TMEM132C: variants seen among roughly 807,000 people sequenced by gnomAD.
TMEM132C encodes the protein transmembrane protein 132C.
In TMEM132C, 29 loss-of-function variants were observed where a neutral mutation model predicts 61.4. The observed-to-expected ratio is 0.47, with a 90% CI of 0.35 to 0.64. TMEM132C has a LOEUF of 0.64. Among genes scored for constraint, TMEM132C ranks in the 30% least tolerant of loss-of-function variants. The probability of loss-of-function intolerance (pLI) is 0.00; values close to 1 mark genes in which losing one functional copy is unlikely to be tolerated. For missense variants in TMEM132C, 1,408 were observed against 1,476.9 expected, an observed-to-expected ratio of 0.95 and a Z score of 0.76; for synonymous variants, 656 against 633.1, an observed-to-expected ratio of 1.04 and a Z score of -0.54.
At chr12:128,629,890 C>T (rs1030553331) in intron 4 of TMEM132C, among the ~76,000 whole-genome samples, 7 of 150,808 alleles carry the variant, frequency 4.6e-5, no homozygotes, top group Non-Finnish European at 7.4e-5. Context: ...CACTTGAACC[C>T]GGGAGGCAGA....
intron 3 of TMEM132C, among the ~76,000 whole-genome samples, chr12:128,596,561 A>C (rs886752272): frequency 1.3e-5 from 2 of 148,804 alleles, no homozygotes; most frequent in Middle Eastern, 3.7e-3. Context: ...TGTCCATCGC[A>C]CTGGGCTGCC....
chr12:128,596,813 C>A (rs1266189320), intron 3 of TMEM132C, among the ~76,000 whole-genome samples: 1 of 147,988 alleles, frequency 6.8e-6, no homozygotes, highest in Non-Finnish European at 1.5e-5. Context: ...CCCCACCACG[C>A]AGGGCTCTTC....
chr12:128,440,164 C>T (rs1026827620), intron 2 of TMEM132C, among the ~76,000 whole-genome samples: 3 of 152,186 alleles, frequency 2.0e-5, no homozygotes, highest in African/African-American at 4.8e-5. Flanking sequence ...TGGGGCTATC[C>T]GTGTTGGAGT....
At chr12:128,607,590 C>T (rs1014451419) in intron 3 of TMEM132C, among the ~76,000 whole-genome samples, 6 of 152,134 alleles carry the variant, frequency 3.9e-5, no homozygotes, top group East Asian at 1.9e-4. Context: ...TGCTCAGGTT[C>T]GGGATATGTT....
chr12:128,619,558 G>A (rs902344718), intron 4 of TMEM132C, among the ~76,000 whole-genome samples: 1 of 152,212 alleles, frequency 6.6e-6, no homozygotes, highest in African/African-American at 2.4e-5. Context: ...CTGCCTCCAG[G>A]CTTGTTGACA....
chr12:128,577,471 G>A (rs541903975), intron 3 of TMEM132C, among the ~76,000 whole-genome samples: 10 of 152,264 alleles, frequency 6.6e-5, no homozygotes, highest in East Asian at 1.9e-4. Flanking sequence ...CCCAAGCCCC[G>A]GTGACACTCG....
intron 3 of TMEM132C, among the ~76,000 whole-genome samples, chr12:128,558,577 AT>A: frequency 6.6e-6 from 1 of 152,346 alleles, no homozygotes; most frequent in East Asian, 1.9e-4. Flanking sequence ...AGTCTCGGGT[AT>A]GTCTTTACTA....
intron 1 of TMEM132C, among the ~76,000 whole-genome samples, chr12:128,307,228 A>G (rs1230606013): frequency 6.6e-6 from 1 of 152,224 alleles, no homozygotes; most frequent in Non-Finnish European, 1.5e-5. Context: ...TAGACTGGAC[A>G]TAATTGGGGG....
At chr12:128,634,855 A>G (rs1417516851) in intron 4 of TMEM132C, among the ~76,000 whole-genome samples, 1 of 152,200 alleles carries the variant, frequency 6.6e-6, no homozygotes, top group Non-Finnish European at 1.5e-5. Flanking sequence ...TACTGTTATT[A>G]TTAGCTTAAG....
intron 1 of TMEM132C, among the ~76,000 whole-genome samples, chr12:128,276,449 ATT>A (rs1870692532): frequency 6.6e-6 from 1 of 152,220 alleles, no homozygotes; most frequent in Non-Finnish European, 1.5e-5. Flanking sequence ...AAAGGTTTAT[ATT>A]CTGAGACATC....
At chr12:128,378,349 T>C (rs945608976) in intron 1 of TMEM132C, among the ~76,000 whole-genome samples, 8 of 152,140 alleles carry the variant, frequency 5.3e-5, no homozygotes, top group South Asian at 2.1e-4. Flanking sequence ...ATCTCCTGAC[T>C]TCATGATCCG....
chr12:128,370,408 A>T (rs78934663), intron 1 of TMEM132C, among the ~76,000 whole-genome samples: 2,882 of 152,204 alleles, frequency 0.019, 73 homozygotes, highest in African/African-American at 0.066. Context: ...CAATTGAAGG[A>T]TCTATTGACT....
In TMEM132C at chr12:128,636,564, T is replaced by TGTG. The variant is rs1565998396; in HGVS notation, c.1305+20229_1305+20230insGTG. Among the ~76,000 whole-genome samples the TGTG allele has an allele frequency of 4.6e-3, 658 of 142,344 alleles. 7 individuals carry two copies. Among genetic ancestry groups the TGTG allele is most frequent in the African/African-American group, 0.016 (618 of 38,148 alleles). 93.4% of individuals were successfully genotyped at this position (142,344 alleles called of 152,430 possible). A position where few individuals can be genotyped will look rare whatever the true frequency, so the allele number is the denominator to read the frequency against. ...TCTGTTTTGTTTTTTGGGTTTTTGT[T>TGTG]TGTGTGTGTGTGTGTGTGTGTGTGT... On this transcript the variant is annotated intron_variant, in intron 4 of 8. Coordinates refer to ENST00000435159, the MANE Select transcript of TMEM132C (RefSeq NM_001136103.3).
At chr12:128,389,646 T>G (rs1199189296) in intron 1 of TMEM132C, among the ~76,000 whole-genome samples, 1 of 152,032 alleles carries the variant, frequency 6.6e-6, no homozygotes, top group Non-Finnish European at 1.5e-5. Flanking sequence ...CCATGAGGAT[T>G]TGGGGAAGAG....
intron 2 of TMEM132C, among the ~76,000 whole-genome samples, chr12:128,446,850 GA>G (rs1200115304): frequency 1.3e-5 from 2 of 152,134 alleles, no homozygotes; most frequent in Non-Finnish European, 2.9e-5. Context: ...TGTTTTCTAA[GA>G]AGTGGTTTCA....
At chr12:128,600,040 T>G (rs912132537) in intron 3 of TMEM132C, among the ~76,000 whole-genome samples, 3 of 152,176 alleles carry the variant, frequency 2.0e-5, no homozygotes, top group Admixed American at 6.5e-5. Flanking sequence ...TGGAGTGCAG[T>G]GGCGCGATCT....
intron 1 of TMEM132C, among the ~76,000 whole-genome samples, chr12:128,365,915 C>G (rs1291275857): frequency 6.6e-6 from 1 of 152,170 alleles, no homozygotes; most frequent in Admixed American, 6.5e-5. Context: ...TACGCGCAGG[C>G]TTGTCACGGG....
At chr12:128,409,896 G>T (rs767079614) in intron 1 of TMEM132C, among the ~76,000 whole-genome samples, 1 of 152,150 alleles carries the variant, frequency 6.6e-6, no homozygotes, top group African/African-American at 2.4e-5. Context: ...GAAAGAAGAC[G>T]ATGATGACAA....
At chr12:128,315,613 G>T (rs1458777559) in intron 1 of TMEM132C, among the ~76,000 whole-genome samples, 2 of 152,140 alleles carry the variant, frequency 1.3e-5, no homozygotes, top group Non-Finnish European at 2.9e-5. Context: ...AGAGATGTGT[G>T]TCTCAGTGCA....
Sources: allele counts gnomAD v4.1 joint callset (sites outside exome capture counted in the v4.1 genomes callset), GRCh38; gene constraint gnomAD v4.1.1; transcripts MANE v1.5; gene names NCBI Gene and HGNC (gene_info 2026-07-23, HGNC 2026-07-21).